Variants in C2orf66 observed in about 807,000 individuals in gnomAD.
C2orf66 encodes the protein chromosome 2 open reading frame 66.
In C2orf66, 6 loss-of-function variants were observed where a neutral mutation model predicts 7.0. That is an observed-to-expected ratio of 0.86 (90% CI 0.47 to 1.69). The LOEUF is 1.69. Among genes scored for constraint, C2orf66 ranks in the 40% most tolerant of loss-of-function variants. C2orf66 has a pLI of 0.01. For missense variants in C2orf66, 107 were observed against 112.0 expected, an observed-to-expected ratio of 0.96 and a Z score of 0.20; for synonymous variants, 38 against 43.8, an observed-to-expected ratio of 0.87 and a Z score of 0.52.
chr2:196,812,552 T>G (rs1241549612), upstream of C2orf66, among the ~76,000 whole-genome samples: 1 of 152,178 alleles, frequency 6.6e-6, no homozygotes, highest in Non-Finnish European at 1.5e-5. Context: ...TCACCACTCC[T>G]ATTCAACATA....
At chr2:196,813,886 C>T (rs566555178), upstream of C2orf66, among the ~76,000 whole-genome samples, 175 of 152,280 alleles carry the variant, frequency 1.1e-3, no homozygotes, top group African/African-American at 4.0e-3. Context: ...CATCTCACAC[C>T]GGTTAGAATG....
At chr2:196,809,969 T>C (rs1048501902), upstream of C2orf66, 1 of 152,232 alleles carries the variant, frequency 6.6e-6, no homozygotes, top group South Asian at 2.1e-4. Context: ...GGCAAGGCAA[T>C]TCATGGGTAC....
the C2orf66 span, among the ~76,000 whole-genome samples, chr2:196,814,579 A>C: frequency 6.6e-6 from 1 of 152,122 alleles, no homozygotes; most frequent in Admixed American, 6.5e-5. Context: ...AATAAAAAAC[A>C]AATCAAAAAA....
At chr2:196,832,055 C>T in the C2orf66 span, 1 of 152,060 alleles carries the variant, frequency 6.6e-6, no homozygotes, top group Admixed American at 6.5e-5. Flanking sequence ...ATCAAGTTAG[C>T]ATAAGAAATG....
the C2orf66 span, among the ~76,000 whole-genome samples, chr2:196,826,121 C>T: frequency 1.3e-5 from 2 of 152,138 alleles, no homozygotes; most frequent in Non-Finnish European, 2.9e-5. Context: ...CACTTCTACT[C>T]CTTTGCCAGC....
At chr2:196,809,359 G>T (rs560611721), upstream of C2orf66, 1 of 1,613,132 alleles carries the variant, frequency 6.2e-7, no homozygotes, top group South Asian at 1.1e-5. Flanking sequence ...CTGAGTGAAA[G>T]AGGGGATGCG....
intron 1 of C2orf66, among the ~76,000 whole-genome samples, chr2:196,807,979 T>G (rs1699835694): frequency 6.6e-6 from 1 of 152,242 alleles, no homozygotes; most frequent in Non-Finnish European, 1.5e-5. Context: ...TTCCTTAATA[T>G]GAGATCTCTG....
At chr2:196,809,595 T>A (rs1008527526), upstream of C2orf66, 1 of 408,540 alleles carries the variant, frequency 2.4e-6, no homozygotes, top group African/African-American at 2.0e-5. Flanking sequence ...AAAACAATTA[T>A]GGAACATAAC....
the C2orf66 span, among the ~76,000 whole-genome samples, chr2:196,821,884 T>C: frequency 6.6e-6 from 1 of 150,896 alleles, no homozygotes; most frequent in South Asian, 2.1e-4. Context: ...GATTTTCTTT[T>C]AGTGCTATTA....
chr2:196,814,703 A>G, the C2orf66 span, among the ~76,000 whole-genome samples: 1 of 152,178 alleles, frequency 6.6e-6, no homozygotes, highest in South Asian at 2.1e-4. Flanking sequence ...GCACTTTTAA[A>G]ACAGGAAATA....
At chr2:196,826,018 G>C in the C2orf66 span, among the ~76,000 whole-genome samples, 1 of 152,096 alleles carries the variant, frequency 6.6e-6, no homozygotes, top group African/African-American at 2.4e-5. Context: ...AAATGAATAA[G>C]CAGCTTAAAA....
chr2:196,819,256 T>C, the C2orf66 span, among the ~76,000 whole-genome samples: 2 of 152,162 alleles, frequency 1.3e-5, no homozygotes, highest in South Asian at 4.2e-4. Context: ...CCCAAATTCA[T>C]ATCTTGAAAA....
chr2:196,817,983 T>A, the C2orf66 span, among the ~76,000 whole-genome samples: 1 of 152,218 alleles, frequency 6.6e-6, no homozygotes, highest in Non-Finnish European at 1.5e-5. Context: ...TTACAGTCAA[T>A]TTGTACAGTT....
At chr2:196,830,235 T>C in the C2orf66 span, among the ~76,000 whole-genome samples, 1 of 152,206 alleles carries the variant, frequency 6.6e-6, no homozygotes, top group Non-Finnish European at 1.5e-5. Flanking sequence ...GAATTACTTT[T>C]GGGGCACCTG....
chr2:196,809,514 T>C, upstream of C2orf66: 3 of 801,090 alleles, frequency 3.7e-6, no homozygotes, highest in Non-Finnish European at 5.9e-6. Context: ...GACTTCTAAA[T>C]GAGGACCCCA....
intron 2 of C2orf66, 101 bp downstream of exon 2, chr2:196,807,323 G>A: frequency 2.9e-6 from 2 of 693,808 alleles, no homozygotes; most frequent in Non-Finnish European, 4.7e-6. Context: ...TTATTTCTAT[G>A]AGGAAATAAA....
chr2:196,823,379 T>C, the C2orf66 span, among the ~76,000 whole-genome samples: 1 of 152,016 alleles, frequency 6.6e-6, no homozygotes, highest in South Asian at 2.1e-4. Flanking sequence ...TCCTAGCACT[T>C]TGGGAGGCTG....
At chr2:196,817,945 G>A in the C2orf66 span, among the ~76,000 whole-genome samples, 1 of 152,038 alleles carries the variant, frequency 6.6e-6, no homozygotes, top group East Asian at 1.9e-4. Flanking sequence ...AAGGTGCATT[G>A]ATTTCATATT....
the C2orf66 span, among the ~76,000 whole-genome samples, chr2:196,829,922 GACA>G: frequency 1.4e-3 from 219 of 151,756 alleles, 1 homozygote; most frequent in Middle Eastern, 3.4e-3. Flanking sequence ...AAACAAAAAC[GACA>G]ACAACAACAA....
Sources: allele counts gnomAD v4.1 joint callset (sites outside exome capture counted in the v4.1 genomes callset), GRCh38; gene constraint gnomAD v4.1.1; transcripts MANE v1.5; gene names NCBI Gene and HGNC (gene_info 2026-07-23, HGNC 2026-07-21).